Variants in WDR17 observed in about 807,000 individuals in gnomAD.
WDR17 encodes WD repeat domain 17, also known as WD repeat-containing protein 17.
In WDR17, 143 loss-of-function variants were observed where a neutral mutation model predicts 161.7. The ratio of observed to expected loss-of-function variants is 0.88; its 90% CI spans 0.77 to 1.02. The LOEUF is 1.02. Ranked by LOEUF, WDR17 falls within the 50% of genes least tolerant of loss-of-function variation. The pLI is 0.00. For synonymous variants in WDR17, 517 were observed against 515.6 expected (o/e 1.00, Z -0.04); for missense variants, 1,469 against 1,520.9 (o/e 0.97, Z 0.57).
intron 23 of WDR17, among the ~76,000 whole-genome samples, chr4:176,171,985 A>C (rs1750798184): frequency 6.6e-6 from 1 of 152,214 alleles, no homozygotes; most frequent in Non-Finnish European, 1.5e-5. Flanking sequence ...CACACCCTTT[A>C]TGTTTGGTGC....
At chr4:176,157,439 C>G (rs886615712) in intron 18 of WDR17, among the ~76,000 whole-genome samples, 2 of 152,180 alleles carry the variant, frequency 1.3e-5, no homozygotes, top group African/African-American at 4.8e-5. Context: ...AGCACCTGCT[C>G]CCAACAGTAA....
chr4:176,128,904 G>T lies in WDR17; in HGVS notation c.913+44G>T, dbSNP rs747649651. On this transcript the variant is annotated intron_variant, in intron 6 of 28. Coordinates refer to ENST00000508596, the MANE Select transcript of WDR17 (RefSeq NM_181265.4). ...AAAATTTTAATTTTTAAAAAATATT[G>T]TGTTTTCTATCAAATAAAATGGTAT... is the stretch of plus-strand genomic sequence containing the variant. 3 of 1,457,316 alleles carry T rather than the reference G, an allele frequency of 2.1e-6. No individual in the cohort carries two copies. In the East Asian group the frequency reaches 7.6e-5, roughly 37 times the overall value. The allele number at this position is 1,457,316 out of a possible 1,614,324, so 90.3% of individuals were successfully genotyped here. A position where few individuals can be genotyped will look rare whatever the true frequency, so the allele number is the denominator to read the frequency against.
chr4:176,156,206 A>G, intron 18 of WDR17, 63 bp downstream of exon 18: 1 of 1,498,090 alleles, frequency 6.7e-7, no homozygotes, highest in Non-Finnish European at 9.2e-7. Context: ...TAGAAGCAGT[A>G]TATAAATATG....
At chr4:176,073,374 G>A (rs897210667) in intron 1 of WDR17, among the ~76,000 whole-genome samples, 119 of 151,920 alleles carry the variant, frequency 7.8e-4, no homozygotes, top group African/African-American at 2.8e-3. Context: ...TTGTCCTTGC[G>A]ATAGTTTGCT....
At position 176,081,735 on chromosome 4, in the gene WDR17, G is replaced by A. The variant is rs528589888; in HGVS notation, c.-7+15656G>A. On this transcript the variant is annotated intron_variant, in intron 1 of 28. Transcript: ENST00000508596. ...AGCGACAGCATCACATCAATGTTCC[G>A]GTCAGAAGGGCAGGAGAATAACACC... Among the ~76,000 whole-genome samples the A allele has an allele frequency of 9.1e-4, 139 of 152,170 alleles. 2 individuals are homozygous for A. Among genetic ancestry groups the A allele is most frequent in the African/African-American group, 2.6e-3 (110 of 41,528 alleles).
chr4:176,128,817 A>ATT lies in WDR17; in HGVS notation c.872_873dup (p.His292PhefsTer38), dbSNP rs1255887807. ...ATAATCTTAAATTAAAGAAAACAGG[A>ATT]TTTCACTGCTTACATGTACTTAATT... On this transcript the variant is annotated frameshift_variant, in exon 6 of 29. Transcript: ENST00000508596. LOFTEE classifies it high-confidence loss of function. The ATT allele has an allele frequency of 3.7e-6, 6 of 1,605,610 alleles. No homozygotes were observed. The highest frequency in any genetic ancestry group is 5.1e-6 in the Non-Finnish European group (6 of 1,176,142).
chr4:176,137,965 C>CT (rs938242571), intron 9 of WDR17, among the ~76,000 whole-genome samples: 1 of 151,610 alleles, frequency 6.6e-6, no homozygotes, highest in African/African-American at 2.4e-5. Flanking sequence ...CTTTATTGCC[C>CT]TAAACCTGTT....
intron 1 of WDR17, among the ~76,000 whole-genome samples, chr4:176,075,403 A>C (rs1733833252): frequency 6.6e-6 from 1 of 152,122 alleles, no homozygotes; most frequent in Admixed American, 6.6e-5. Flanking sequence ...AGTACCTAGG[A>C]AAACAATATA....
At chr4:176,154,517 T>C (rs1321948660) in intron 17 of WDR17, among the ~76,000 whole-genome samples, 2 of 152,046 alleles carry the variant, frequency 1.3e-5, no homozygotes, top group Non-Finnish European at 2.9e-5. Flanking sequence ...TGGGTGTCCA[T>C]AGAATCGTTT....
chr4:176,071,075 G>A (rs1733167299), intron 1 of WDR17, among the ~76,000 whole-genome samples: 1 of 151,052 alleles, frequency 6.6e-6, no homozygotes. Context: ...GAAGGGGAGC[G>A]AGGGTCCTGG....
intron 22 of WDR17, among the ~76,000 whole-genome samples, chr4:176,163,741 G>C (rs1218414812): frequency 6.6e-6 from 1 of 152,108 alleles, no homozygotes; most frequent in Non-Finnish European, 1.5e-5. Flanking sequence ...ACCTCCCCCA[G>C]ACTCTGGCAA....
At chr4:176,175,851 G>A (rs1197685145) in intron 26 of WDR17, among the ~76,000 whole-genome samples, 14 of 151,732 alleles carry the variant, frequency 9.2e-5, no homozygotes, top group African/African-American at 3.2e-4. Context: ...GAGCCACCAT[G>A]CCCGGCCGGT....
intron 1 of WDR17, among the ~76,000 whole-genome samples, chr4:176,091,045 G>T (rs1382228538): frequency 1.3e-5 from 2 of 152,172 alleles, no homozygotes; most frequent in Non-Finnish European, 2.9e-5. Flanking sequence ...CTCCCAGCGT[G>T]GGCATCATGG....
At chr4:176,117,912 G>T (rs1235459726) in intron 3 of WDR17, among the ~76,000 whole-genome samples, 1 of 151,848 alleles carries the variant, frequency 6.6e-6, no homozygotes, top group Non-Finnish European at 1.5e-5. Flanking sequence ...TTTCTTTTTA[G>T]AATCCAGCTT....
intron 1 of WDR17, among the ~76,000 whole-genome samples, chr4:176,066,570 G>C (rs1732555418): frequency 1.3e-5 from 2 of 152,140 alleles, no homozygotes; most frequent in South Asian, 4.1e-4. Context: ...TATTTATTAA[G>C]TAGATCGTAA....
chr4:176,109,475 T>G (rs2126687027), intron 1 of WDR17, among the ~76,000 whole-genome samples: 1 of 152,310 alleles, frequency 6.6e-6, no homozygotes, highest in South Asian at 2.1e-4. Context: ...AGCTTGTACT[T>G]CAAGTAATTT....
At chr4:176,103,381 G>A (rs1738132941) in intron 1 of WDR17, among the ~76,000 whole-genome samples, 1 of 151,838 alleles carries the variant, frequency 6.6e-6, no homozygotes, top group African/African-American at 2.4e-5. Context: ...AGTGTCCAGG[G>A]TTCAACAAAA....
chr4:176,077,316 T>C (rs1734182911), intron 1 of WDR17, among the ~76,000 whole-genome samples: 1 of 152,068 alleles, frequency 6.6e-6, no homozygotes, highest in African/African-American at 2.4e-5. Context: ...TTAATAGCTC[T>C]GTTACTTTCT....
At chr4:176,095,452 T>C (rs974534767) in intron 1 of WDR17, among the ~76,000 whole-genome samples, 1 of 152,128 alleles carries the variant, frequency 6.6e-6, no homozygotes, top group Non-Finnish European at 1.5e-5. Context: ...GAGTAAGGAA[T>C]CACAGTAGAG....
Sources: gnomAD v4.1 joint callset for allele counts (sites outside exome capture counted in the v4.1 genomes callset) on GRCh38, gnomAD v4.1.1 for gene constraint, MANE v1.5 for transcripts, NCBI Gene and HGNC (gene_info 2026-07-23, HGNC 2026-07-21) for gene names.